The following RERE variants were observed in gnomAD, a reference collection of about 807,000 sequenced individuals.
The protein encoded by RERE is arginine-glutamic acid dipeptide repeats.
In RERE, 40 loss-of-function variants were observed where a neutral mutation model predicts 146.1. The ratio of observed to expected loss-of-function variants is 0.27; its 90% CI spans 0.21 to 0.36. The LOEUF is 0.36. Ranked by LOEUF, RERE falls within the 10% of genes least tolerant of loss-of-function variation. The probability of loss-of-function intolerance (pLI) is 1.00; values close to 1 mark genes in which losing one functional copy is unlikely to be tolerated. For synonymous variants in RERE, 1,003 were observed against 866.0 expected, an observed-to-expected ratio of 1.16 and a Z score of -2.78; for missense variants, 1,933 against 2,138.7, an observed-to-expected ratio of 0.90 and a Z score of 1.90.
chr1:8,377,606 A>C (rs1320925735), intron 12 of RERE, among the ~76,000 whole-genome samples: 1 of 152,134 alleles, frequency 6.6e-6, no homozygotes, highest in Non-Finnish European at 1.5e-5. Context: ...GAAAAAACGA[A>C]AGCCATAAAA....
intron 18 of RERE, 54 bp downstream of exon 18, chr1:8,360,058 T>A: frequency 6.7e-7 from 1 of 1,503,508 alleles, no homozygotes. Flanking sequence ...CACCAGAACT[T>A]GCCCCCACCA....
chr1:8,745,096 T>C (rs1217120621), intron 1 of RERE, among the ~76,000 whole-genome samples: 3 of 152,262 alleles, frequency 2.0e-5, no homozygotes, highest in Middle Eastern at 3.4e-3. Flanking sequence ...AATCTCATCT[T>C]GAATTGTAAT....
intron 1 of RERE, among the ~76,000 whole-genome samples, chr1:8,767,952 C>T (rs541452884): frequency 2.6e-5 from 4 of 151,614 alleles, no homozygotes; most frequent in Non-Finnish European, 5.9e-5. Flanking sequence ...GGTGACAGAG[C>T]GAAACTTTGT....
At chr1:8,816,443 T>C (rs866651348) in intron 1 of RERE, among the ~76,000 whole-genome samples, 1 of 152,100 alleles carries the variant, frequency 6.6e-6, no homozygotes, top group Non-Finnish European at 1.5e-5. Flanking sequence ...CAGAGGAAAA[T>C]GACAATTCAA....
chr1:8,584,406 G>T (rs1646402868), intron 4 of RERE, among the ~76,000 whole-genome samples: 1 of 152,032 alleles, frequency 6.6e-6, no homozygotes, highest in South Asian at 2.1e-4. Context: ...AATTATCTGG[G>T]CATGATGGTG....
intron 11 of RERE, among the ~76,000 whole-genome samples, chr1:8,439,423 C>G (rs1644216037): frequency 6.6e-6 from 1 of 152,212 alleles, no homozygotes; most frequent in Admixed American, 6.5e-5. Flanking sequence ...GTCAGGAGAG[C>G]TGGTGTGTGG....
intron 4 of RERE, among the ~76,000 whole-genome samples, chr1:8,596,896 C>G (rs1046619956): frequency 6.6e-6 from 1 of 152,074 alleles, no homozygotes; most frequent in African/African-American, 2.4e-5. Flanking sequence ...CCACAAGGTA[C>G]CTGGTGGTGT....
At position 8,361,311 on chromosome 1, in the gene RERE, C is replaced by T; in HGVS notation, c.2196G>A (p.Gln732=). ...ESDSDSSAQQ[Q]MLQAQPPALQ... Reference sequence around the variant, plus strand: ...AGGCTGGGGGCTGGGCCTGCAGCATCTGCTGCTGGGCTGACGAGTCCGAGT... The same window carrying T: ...AGGCTGGGGGCTGGGCCTGCAGCATTTGCTGCTGGGCTGACGAGTCCGAGT... Residue 732 remains glutamine (Q), a synonymous_variant, in exon 18 of 23, where the codon CAG becomes CAA. Transcript: ENST00000400908. 2 of 1,610,806 alleles carry T rather than the reference C, an allele frequency of 1.2e-6. No homozygotes were observed. The highest frequency in any genetic ancestry group is 1.7e-6 in the Non-Finnish European group (2 of 1,178,204).
At chr1:8,558,859 G>C (rs905015449) in intron 4 of RERE, among the ~76,000 whole-genome samples, 3 of 147,980 alleles carry the variant, frequency 2.0e-5, no homozygotes, top group African/African-American at 7.5e-5. Flanking sequence ...GCAGTGGCGT[G>C]ATCTCGGCTC....
At chr1:8,775,151 G>A (rs1569771355) in intron 1 of RERE, among the ~76,000 whole-genome samples, 1 of 151,490 alleles carries the variant, frequency 6.6e-6, no homozygotes, top group Non-Finnish European at 1.5e-5. Flanking sequence ...AGTAGAGACG[G>A]GGTTTCACCA....
chr1:8,499,768 T>C (rs556582027), intron 8 of RERE, among the ~76,000 whole-genome samples: 1 of 152,236 alleles, frequency 6.6e-6, no homozygotes, highest in Non-Finnish European at 1.5e-5. Context: ...TCTCTAACAT[T>C]GAACTGAGTG....
At chr1:8,712,584 C>G (rs1639690163) in intron 1 of RERE, among the ~76,000 whole-genome samples, 1 of 152,128 alleles carries the variant, frequency 6.6e-6, no homozygotes. Context: ...AGGGCAGGTC[C>G]TTTAATGTGA....
At chr1:8,704,941 C>T (rs1013000252) in intron 1 of RERE, among the ~76,000 whole-genome samples, 1 of 152,202 alleles carries the variant, frequency 6.6e-6, no homozygotes, top group African/African-American at 2.4e-5. Flanking sequence ...TGAGGGGGAC[C>T]TGTGACTTGA....
At chr1:8,468,699 C>G (rs1035879804) in intron 10 of RERE, among the ~76,000 whole-genome samples, 2 of 152,090 alleles carry the variant, frequency 1.3e-5, no homozygotes, top group African/African-American at 4.8e-5. Flanking sequence ...ACCTGGGCAA[C>G]ATAGTGAGAC....
intron 1 of RERE, among the ~76,000 whole-genome samples, chr1:8,656,905 G>T (rs1319338779): frequency 6.6e-6 from 1 of 152,138 alleles, no homozygotes; most frequent in Non-Finnish European, 1.5e-5. Flanking sequence ...CTTGAAGCCA[G>T]GAGTTCAAGA....
intron 10 of RERE, 56 bp downstream of exon 10, chr1:8,495,007 C>G: frequency 8.0e-7 from 1 of 1,248,714 alleles, no homozygotes; most frequent in South Asian, 1.2e-5. Flanking sequence ...TTCCCTACAG[C>G]CAGTTCAGGG....
intron 1 of RERE, among the ~76,000 whole-genome samples, chr1:8,683,843 G>A (rs1639029369): frequency 6.6e-6 from 1 of 152,120 alleles, no homozygotes; most frequent in Admixed American, 6.6e-5. Context: ...TCAGGAGACT[G>A]AGGCAGGAGA....
intron 7 of RERE, 76 bp from the exon 8 acceptor site, chr1:8,508,751 G>A (rs956150507): frequency 1.1e-5 from 13 of 1,187,262 alleles, no homozygotes; most frequent in Admixed American, 2.0e-5. Flanking sequence ...TTCAAAAAAA[G>A]TAATTCTCTT....
intron 6 of RERE, among the ~76,000 whole-genome samples, chr1:8,545,183 T>C (rs1046691699): frequency 6.6e-6 from 1 of 152,202 alleles, no homozygotes; most frequent in African/African-American, 2.4e-5. Context: ...TCCTAAAGTC[T>C]TGTATACTCT....
Sources: gnomAD v4.1 joint callset for allele counts (sites outside exome capture counted in the v4.1 genomes callset) on GRCh38, gnomAD v4.1.1 for gene constraint, MANE v1.5 for transcripts, NCBI Gene and HGNC (gene_info 2026-07-23, HGNC 2026-07-21) for gene names.